Variants in TNK2 observed in about 807,000 individuals in gnomAD.
TNK2 encodes tyrosine kinase non receptor 2.
Under a neutral mutation model 101.8 loss-of-function variants are expected in TNK2, and 83 were observed. The observed-to-expected ratio is 0.82, with a 90% CI of 0.68 to 0.98. The LOEUF is 0.98. TNK2 is among the 50% of genes least tolerant of loss of function. The pLI is 0.00. For missense variants in TNK2, 1,665 were observed against 1,483.2 expected (o/e 1.12, Z -2.01); for synonymous variants, 804 against 633.0 (o/e 1.27, Z -4.06).
At chr3:195,875,738 G>A (rs1748771221) in intron 9 of TNK2, among the ~76,000 whole-genome samples, 1 of 152,194 alleles carries the variant, frequency 6.6e-6, no homozygotes, top group Non-Finnish European at 1.5e-5. Flanking sequence ...GACTGAAGCA[G>A]GGGCGGATGA....
intron 9 of TNK2, 193 bp from the exon 10 acceptor site, chr3:195,872,663 C>T (rs1320622090): frequency 1.4e-5 from 8 of 591,268 alleles, no homozygotes; most frequent in South Asian, 2.1e-5. Context: ...TGTTTGCACA[C>T]GGCCTTACCC....
At chr3:195,899,889 G>A (rs769778828) in intron 1 of TNK2, among the ~76,000 whole-genome samples, 9 of 152,076 alleles carry the variant, frequency 5.9e-5, no homozygotes, top group African/African-American at 1.2e-4. Flanking sequence ...TTCTTCCCCC[G>A]TGAGCTGCTG....
In TNK2 at chr3:195,886,874, G is replaced by T; in HGVS notation, c.234+103C>A. 1 of 1,321,630 alleles carries T rather than the reference G, an allele frequency of 7.6e-7. No homozygotes were observed. Among genetic ancestry groups the T allele is most frequent in the Non-Finnish European group, 1.1e-6 (1 of 914,912 alleles). The allele number at this position is 1,321,630 out of a possible 1,614,324, so 81.9% of individuals were successfully genotyped here. A position where few individuals can be genotyped will look rare whatever the true frequency, so the allele number is the denominator to read the frequency against. ...GTACAAAGTGCCGGCAGAACGGCGA[G>T]ATTCGACCTGCCGGGGAGCTGGGGA... On this transcript the variant is annotated intron_variant, in intron 3 of 15. Coordinates refer to ENST00000672887, the MANE Select transcript of TNK2 (RefSeq NM_001382273.1). The surrounding 1 kb of genome is among the most constrained non-coding windows in gnomAD (Gnocchi z 4.2).
At chr3:195,901,471 A>AG (rs1488608313) in intron 1 of TNK2, among the ~76,000 whole-genome samples, 3 of 152,154 alleles carry the variant, frequency 2.0e-5, no homozygotes, top group Non-Finnish European at 1.5e-5. Context: ...AGAGGGAAAC[A>AG]GAAGAGTCCA....
At chr3:195,864,324 C>A in intron 15 of TNK2, 137 bp from the exon 16 acceptor site, 1 of 887,402 alleles carries the variant, frequency 1.1e-6, no homozygotes. Flanking sequence ...AATTTATCAT[C>A]CTGGATGTCT....
Position 195,885,005 on chromosome 3 carries a change from T to A in TNK2, c.263A>T (p.Glu88Val). ...GCTCTGAGAGTGATGAGGTGGGAAC[T>A]CAGCCTCCAGTCGCTTTCCACTGAA... is the stretch of plus-strand genomic sequence containing the variant. Reference protein sequence around the residue: ...KVFSGKRLEAEFPPHHSQSTF... With the variant: ...KVFSGKRLEAVFPPHHSQSTF... Residue 88 changes from glutamate to valine, a missense_variant, in exon 4 of 16, where the codon GAG becomes GTG. Physicochemically the swap from Glu to Val is moderately radical, Grantham distance 121. Around this residue, in one of 3 missense-constraint regions of TNK2, gnomAD observed 490 missense variants for 522.5 expected, o/e 0.94. Coordinates refer to ENST00000672887, the MANE Select transcript of TNK2 (RefSeq NM_001382273.1). This position sits in a 1 kb window ranked among gnomAD's most constrained non-coding sequence, Gnocchi z 4.7. 6.2e-7 allele frequency: 1 copy of A among 1,606,536 alleles called. No individual in the cohort carries two copies. Among genetic ancestry groups the A allele is most frequent in the Non-Finnish European group, 8.5e-7 (1 of 1,175,320 alleles).
In TNK2 at chr3:195,888,739, G is replaced by T; in HGVS notation, c.-18-133C>A. ...CTCACACCACCTTCTGACTCCCGAG[G>T]GAAGCTACCGAGAACCGCCTGGACC... On this transcript the variant is annotated intron_variant, in intron 1 of 15. Transcript: ENST00000672887. The surrounding 1 kb of genome is among the most constrained non-coding windows in gnomAD (Gnocchi z 5.3). 1 of 872,742 alleles carries T rather than the reference G, an allele frequency of 1.1e-6. No homozygotes were observed. The allele number at this position is 872,742 out of a possible 1,614,324, so 54.1% of individuals were successfully genotyped here. A position where few individuals can be genotyped will look rare whatever the true frequency, so the allele number is the denominator to read the frequency against.
chr3:195,864,221 A>G (rs1253778353), intron 15 of TNK2, 34 bp from the exon 16 acceptor site: 3 of 1,613,650 alleles, frequency 1.9e-6, no homozygotes, highest in South Asian at 2.2e-5. Flanking sequence ...ACAGTTAAAC[A>G]GTTTACAGAA....
At chr3:195,907,620 G>T (rs537390949) in intron 1 of TNK2, among the ~76,000 whole-genome samples, 1 of 152,350 alleles carries the variant, frequency 6.6e-6, no homozygotes, top group South Asian at 2.1e-4. Flanking sequence ...GCACGAGGCG[G>T]AATGAGTAGG....
intron 1 of TNK2, among the ~76,000 whole-genome samples, chr3:195,900,067 A>C (rs1473820337): frequency 6.6e-6 from 1 of 152,164 alleles, no homozygotes; most frequent in Non-Finnish European, 1.5e-5. Flanking sequence ...TAAGCAACTC[A>C]GTCCCCCAAA....
At position 195,869,498 on chromosome 3, in the gene TNK2, C is replaced by T. The variant is rs1743382837; in HGVS notation, c.1587G>A (p.Gln529=). 2 of 1,550,642 alleles carry T rather than the reference C, an allele frequency of 1.3e-6. No individual in the cohort carries two copies. The highest frequency in any genetic ancestry group is 1.7e-6 in the Non-Finnish European group (2 of 1,146,922). Residue 529 remains glutamine (Q), a splice_region_variant and synonymous_variant, in exon 12 of 16, where the codon CAG becomes CAA. Coordinates refer to ENST00000672887, the MANE Select transcript of TNK2 (RefSeq NM_001382273.1). ...PRPPQPAFFT[Q]KPTYDPVSED... ...GGCATCGGAAGCAGCCCCACTTACT[C>T]TGAGTGAAGAAGGCAGGCTGAGGTG...
chr3:195,895,411 G>T, intron 1 of TNK2: 1 of 1,529,444 alleles, frequency 6.5e-7, no homozygotes, highest in South Asian at 1.2e-5. Context: ...GCCGGGCCTC[G>T]AGCATCCTCC....
chr3:195,869,964 G>C, intron 11 of TNK2, 150 bp downstream of exon 11: 1 of 648,786 alleles, frequency 1.5e-6, no homozygotes, highest in Middle Eastern at 2.8e-4. Context: ...CCCACGCCCA[G>C]CCGGAGCCAG....
At chr3:195,892,944 C>A (rs1265873806) in intron 1 of TNK2, among the ~76,000 whole-genome samples, 1 of 151,982 alleles carries the variant, frequency 6.6e-6, no homozygotes, top group African/African-American at 2.4e-5. Context: ...GCCACCCGCG[C>A]TGGCCCCCCT....
chr3:195,896,369 C>T (rs1362101960), intron 1 of TNK2: 2 of 314,458 alleles, frequency 6.4e-6, no homozygotes, highest in African/African-American at 4.6e-5. Flanking sequence ...TGAGCCAGAC[C>T]CTGGAAGGTC....
Position 195,885,301 on chromosome 3 carries a change from C to T in TNK2, c.235-268G>A. On this transcript the variant is annotated intron_variant, in intron 3 of 15. Transcript: ENST00000672887. This position sits in a 1 kb window ranked among gnomAD's most constrained non-coding sequence, Gnocchi z 4.7. ...TGCAGCCTGTGGCTGAGCGGCCCCA[C>T]ACCCAGCTGTGTGGAGAGGGAGGGC... is the stretch of plus-strand genomic sequence containing the variant. 3.0e-6 allele frequency: 4 copies of T among 1,347,948 alleles called. No homozygotes were observed. Among genetic ancestry groups the T allele is most frequent in the Non-Finnish European group, 3.9e-6 (4 of 1,024,934 alleles). The allele number at this position is 1,347,948 out of a possible 1,614,324, so 83.5% of individuals were successfully genotyped here.
At position 195,891,334 on chromosome 3, in the gene TNK2, A is replaced by G. The variant is rs1758349444; in HGVS notation, c.-18-2728T>C. ...GGCAGGAGAATCACTTGAACCCGGGAGGCGGAGGCTGTGGTGAGCCAAGAT... is the reference window on the plus strand; with the variant it reads ...GGCAGGAGAATCACTTGAACCCGGGGGGCGGAGGCTGTGGTGAGCCAAGAT... On this transcript the variant is annotated intron_variant, in intron 1 of 15. Coordinates refer to ENST00000672887, the MANE Select transcript of TNK2 (RefSeq NM_001382273.1). 5.9e-5 allele frequency among the ~76,000 whole-genome samples: 9 copies of G among 152,354 alleles called. 1 individual carries two copies. In the South Asian group the frequency reaches 1.9e-3, roughly 32 times the overall value.
chr3:195,892,505 C>G, intron 1 of TNK2: 2 of 1,534,796 alleles, frequency 1.3e-6, no homozygotes, highest in Non-Finnish European at 1.7e-6. Flanking sequence ...GCAGCGGGAC[C>G]CCCCCGAGCA....
chr3:195,900,664 T>C (rs1577120184), intron 1 of TNK2, among the ~76,000 whole-genome samples: 1 of 152,082 alleles, frequency 6.6e-6, no homozygotes, highest in Non-Finnish European at 1.5e-5. Context: ...GCTGTCTGGG[T>C]CTCACTCCCA....
Sources: gnomAD v4.1 joint callset for allele counts (sites outside exome capture counted in the v4.1 genomes callset) on GRCh38, gnomAD v4.1.1 for gene constraint, gnomAD v4.1.1 regional missense constraint, Gnocchi (gnomAD v3.1) non-coding constraint, MANE v1.5 for transcripts, NCBI Gene and HGNC (gene_info 2026-07-23, HGNC 2026-07-21) for gene names.